The following BCL2L11 variants were observed in gnomAD, a reference collection of about 807,000 sequenced individuals.
BCL2L11 encodes BCL2 like 11, also known as bcl-2-like protein 11.
Under a neutral mutation model 20.6 loss-of-function variants are expected in BCL2L11, and 15 were observed. The ratio of observed to expected loss-of-function variants is 0.73; its 90% confidence interval spans 0.49 to 1.12. The LOEUF is 1.12. Ranked by LOEUF, BCL2L11 falls within the 50% of genes most tolerant of loss-of-function variation. The pLI, the probability that BCL2L11 is intolerant of heterozygous loss-of-function variation, is 0.00. For missense variants in BCL2L11, 292 were observed against 260.9 expected (o/e 1.12, Z -0.82); for synonymous variants, 108 against 92.8 (o/e 1.16, Z -0.94).
intron 2 of BCL2L11, among the ~76,000 whole-genome samples, chr2:111,149,361 G>T (rs114151498): frequency 9.1e-4 from 138 of 152,236 alleles, no homozygotes; most frequent in Middle Eastern, 3.4e-3. Flanking sequence ...AAATGCCTTT[G>T]CTCTTAGACC....
At chr2:111,132,790 A>G (rs1412200032) in intron 2 of BCL2L11, among the ~76,000 whole-genome samples, 1 of 152,206 alleles carries the variant, frequency 6.6e-6, no homozygotes, top group Non-Finnish European at 1.5e-5. Context: ...TCGGAAAATG[A>G]CATTCTTTGC....
intron 2 of BCL2L11, among the ~76,000 whole-genome samples, chr2:111,137,679 T>C (rs1006075402): frequency 1.0e-4 from 15 of 149,594 alleles, no homozygotes; most frequent in Admixed American, 8.1e-4. Context: ...GAAACATATA[T>C]GCAAGGGGGT....
rs73954973 is a variant in BCL2L11 at position 111,162,565 on chromosome 2, C to T, written c.499-1568C>T. 4.2e-3 allele frequency among the ~76,000 whole-genome samples: 643 copies of T among 152,306 alleles called. 3 individuals carry two copies. The highest frequency in any genetic ancestry group is 0.014 in the African/African-American group (572 of 41,568). On this transcript the variant is annotated intron_variant, in intron 3 of 3. Coordinates refer to ENST00000393256, the MANE Select transcript of BCL2L11 (RefSeq NM_138621.5). ...TGGGCAGGAGATTTCTTCCCTTGGA[C>T]GCTGCCAGTGCTGGAATATGAAACT...
At chr2:111,150,920 T>A (rs970004203) in intron 3 of BCL2L11, among the ~76,000 whole-genome samples, 2 of 151,530 alleles carry the variant, frequency 1.3e-5, no homozygotes, top group Non-Finnish European at 2.9e-5. Flanking sequence ...GTGTGTTTGT[T>A]TTTGAGACGG....
intron 2 of BCL2L11, among the ~76,000 whole-genome samples, chr2:111,148,711 G>A (rs2076877344): frequency 6.6e-6 from 1 of 152,184 alleles, no homozygotes; most frequent in African/African-American, 2.4e-5. Flanking sequence ...GGGGATCGGT[G>A]TGTGTCCCTC....
chr2:111,136,092 G>C (rs538692043), intron 2 of BCL2L11, among the ~76,000 whole-genome samples: 1 of 152,160 alleles, frequency 6.6e-6, no homozygotes, highest in Non-Finnish European at 1.5e-5. Flanking sequence ...GGGCGTTGTG[G>C]TTTTCCCGTT....
At chr2:111,155,641 T>TG (rs2077736756) in intron 3 of BCL2L11, among the ~76,000 whole-genome samples, 1 of 152,226 alleles carries the variant, frequency 6.6e-6, no homozygotes, top group African/African-American at 2.4e-5. Flanking sequence ...ACAGTCAGGT[T>TG]GTCCAGCTCA....
intron 3 of BCL2L11, chr2:111,150,360 A>C: frequency 1.0e-6 from 1 of 957,992 alleles, no homozygotes; most frequent in Non-Finnish European, 1.4e-6. Context: ...AGTAGGAGGC[A>C]GCAAAGGAAT....
At chr2:111,162,499 C>T (rs1187058831) in intron 3 of BCL2L11, among the ~76,000 whole-genome samples, 2 of 152,212 alleles carry the variant, frequency 1.3e-5, no homozygotes, top group Admixed American at 1.3e-4. Flanking sequence ...GAGGTGACTT[C>T]TACTTAAGCT....
chr2:111,136,929 T>A (rs1575015689), intron 2 of BCL2L11, among the ~76,000 whole-genome samples: 2 of 152,330 alleles, frequency 1.3e-5, no homozygotes, highest in Admixed American at 1.3e-4. Flanking sequence ...GAAAGAGATT[T>A]AGCTGTGATC....
intron 2 of BCL2L11, chr2:111,128,590 A>G (rs895796689): frequency 6.3e-5 from 94 of 1,492,296 alleles, no homozygotes; most frequent in Non-Finnish European, 7.4e-5. Context: ...GTTTCTCCAC[A>G]TACTTACCAA....
At chr2:111,127,428 T>G (rs1292765692) in intron 2 of BCL2L11, among the ~76,000 whole-genome samples, 2 of 151,008 alleles carry the variant, frequency 1.3e-5, no homozygotes, top group Non-Finnish European at 3.0e-5. Flanking sequence ...TCTTTTTTTT[T>G]TTTTTTTTTT....
chr2:111,150,755 A>G (rs113956296), intron 3 of BCL2L11, among the ~76,000 whole-genome samples: 28 of 152,300 alleles, frequency 1.8e-4, no homozygotes, highest in African/African-American at 6.5e-4. Flanking sequence ...ATTTTGAGCT[A>G]TGTTCTTGAT....
rs2076231742 is a variant in BCL2L11, at chr2:111,144,414, T to C, written c.395-5630T>C. On this transcript the variant is annotated intron_variant, in intron 2 of 3. Coordinates refer to ENST00000393256, the MANE Select transcript of BCL2L11 (RefSeq NM_138621.5). The stretch of plus-strand genomic sequence containing the variant: ...ATTTTATTTCTGAGAACCGTCAGAG[T>C]TGAGGATTTCAAACATGATTCTGAT... 6 of 1,482,660 alleles carry C rather than the reference T, an allele frequency of 4.0e-6. No individual in the cohort carries two copies. The East Asian group carries it at 1.2e-4, about 30-fold the overall frequency. The allele number at this position is 1,482,660 out of a possible 1,614,324, so 91.8% of individuals were successfully genotyped here. A position where few individuals can be genotyped will look rare whatever the true frequency, so the allele number is the denominator to read the frequency against.
intron 2 of BCL2L11, among the ~76,000 whole-genome samples, chr2:111,131,116 T>C (rs929283985): frequency 4.6e-5 from 7 of 151,930 alleles, no homozygotes; most frequent in African/African-American, 1.7e-4. Flanking sequence ...TTCCCTCTTT[T>C]ATTTTCAGGA....
At chr2:111,153,685 T>G in intron 3 of BCL2L11, 2 of 1,436,202 alleles carry the variant, frequency 1.4e-6, no homozygotes, top group Non-Finnish European at 1.9e-6. Flanking sequence ...GTGTCTTTAT[T>G]TGCTTAATGC....
At chr2:111,125,003 A>T (rs2072225300) in intron 2 of BCL2L11, among the ~76,000 whole-genome samples, 1 of 152,162 alleles carries the variant, frequency 6.6e-6, no homozygotes, top group Non-Finnish European at 1.5e-5. Context: ...GGCTAACATA[A>T]ATACCACAGA....
At chr2:111,145,092 C>A (rs1233171402) in intron 2 of BCL2L11, among the ~76,000 whole-genome samples, 1 of 152,178 alleles carries the variant, frequency 6.6e-6, no homozygotes, top group African/African-American at 2.4e-5. Flanking sequence ...TTGTAGATAT[C>A]TGAACATCTG....
At chr2:111,150,872 C>T (rs1212174990) in intron 3 of BCL2L11, among the ~76,000 whole-genome samples, 1 of 149,786 alleles carries the variant, frequency 6.7e-6, no homozygotes, top group Admixed American at 6.6e-5. Flanking sequence ...ACCTTTTTCA[C>T]ATGGGACACT....
Sources: gnomAD v4.1 joint callset for allele counts (sites outside exome capture counted in the v4.1 genomes callset) on GRCh38, gnomAD v4.1.1 for gene constraint, MANE v1.5 for transcripts, NCBI Gene and HGNC (gene_info 2026-07-23, HGNC 2026-07-21) for gene names.